Variants in ATRN observed in about 807,000 individuals in gnomAD.
ATRN encodes attractin-2.
Under a neutral mutation model 178.7 loss-of-function variants are expected in ATRN, and 54 were observed. The ratio of observed to expected loss-of-function variants is 0.30; its 90% confidence interval spans 0.24 to 0.38. The LOEUF (loss-of-function observed/expected upper bound fraction) is 0.38. Ranked by LOEUF, ATRN falls within the 10% of genes least tolerant of loss-of-function variation. ATRN has a pLI of 1.00. For synonymous variants in ATRN, 636 were observed against 663.0 expected (o/e 0.96, Z 0.63); for missense variants, 1,443 against 1,815.1 (o/e 0.79, Z 3.73).
intron 1 of ATRN, among the ~76,000 whole-genome samples, chr20:3,492,871 GCACGCACACACA>G (rs1157558245): frequency 1.1e-4 from 14 of 132,450 alleles, no homozygotes; most frequent in Admixed American, 1.5e-4. Context: ...GCGCGCGTGC[GCACGCACACACA>G]CACACACACA....
intron 1 of ATRN, chr20:3,489,630 T>C: frequency 6.9e-7 from 1 of 1,453,758 alleles, no homozygotes; most frequent in Non-Finnish European, 9.7e-7. Context: ...CTGCCATCAT[T>C]CTGAAGCCTT....
chr20:3,584,576 T>TAA, intron 17 of ATRN, 71 bp from the exon 18 acceptor site: 1 of 1,109,640 alleles, frequency 9.0e-7, no homozygotes, highest in Non-Finnish European at 1.3e-6. Context: ...AATAGTCTGT[T>TAA]AAAAAAAAAG....
At chr20:3,629,219 A>G in intron 25 of ATRN, 1 of 985,412 alleles carries the variant, frequency 1.0e-6, no homozygotes, top group African/African-American at 1.7e-5. Flanking sequence ...CAAAAAGTCC[A>G]GAGAAGACCT....
chr20:3,604,201 A>G lies in ATRN; in HGVS notation c.3740A>G (p.Asn1247Ser), dbSNP rs1485360610. Residue 1247 changes from asparagine (N) to serine (S), a missense_variant, in exon 24 of 29, where the codon AAC becomes AGC. Physicochemically the swap from Asn to Ser is conservative, Grantham distance 46. Coordinates refer to ENST00000262919, the MANE Select transcript of ATRN (RefSeq NM_139321.3). ...TCTAATGAGAAGTTTGATTTTCGCAACCACCCAAATATCACTTTCTTTGTT... is the reference window on the plus strand; with the variant it reads ...TCTAATGAGAAGTTTGATTTTCGCAGCCACCCAAATATCACTTTCTTTGTT... Reference protein sequence around the residue: ...SFSNEKFDFRNHPNITFFVYV... With the variant: ...SFSNEKFDFRSHPNITFFVYV... The G allele has an allele frequency of 8.7e-6, 14 of 1,613,272 alleles. No individual in the cohort carries two copies. Among genetic ancestry groups the G allele is most frequent in the Non-Finnish European group, 1.1e-5 (13 of 1,179,802 alleles).
rs73893060 is a variant in ATRN at position 3,645,751 on chromosome 20, A to C, written c.4166-972A>C. ...GTGTGCCAGGCACTTACAGCTGTCT[A>C]CCCCCACCCCCACTCCCCTTCACAG... On this transcript the variant is annotated intron_variant, in intron 28 of 28. Transcript: ENST00000262919. The surrounding 1 kb of genome is among the most constrained non-coding windows in gnomAD (Gnocchi z 4.7). 4.3e-3 allele frequency among the ~76,000 whole-genome samples: 645 copies of C among 151,026 alleles called. 8 individuals carry two copies. The highest frequency in any genetic ancestry group is 0.014 in the African/African-American group (584 of 41,070).
At chr20:3,564,173 A>G (rs1337565991) in intron 10 of ATRN, among the ~76,000 whole-genome samples, 1 of 152,242 alleles carries the variant, frequency 6.6e-6, no homozygotes. Flanking sequence ...GATCAGATGA[A>G]TAACTTAAAG....
At position 3,582,244 on chromosome 20, in the gene ATRN, C is replaced by T. The variant is rs780730305; in HGVS notation, c.2654C>T (p.Ser885Phe). 1.2e-6 allele frequency: 2 copies of T among 1,613,912 alleles called. No individual in the cohort carries two copies. Among genetic ancestry groups the T allele is most frequent in the Admixed American group, 1.7e-5 (1 of 60,018 alleles). ...FTNSLLQWMP[S>F]EPSDAGFCGI... ...AATAGTTTACTACAGTGGATGCCGT[C>T]TGAGCCCAGTGATGCTGGATTCTGT... is the stretch of plus-strand genomic sequence containing the variant. Residue 885 changes from serine (S) to phenylalanine (F), a missense_variant, in exon 16 of 29, where the codon TCT becomes TTT. Physicochemically the swap from Ser to Phe is radical, Grantham distance 155. Coordinates refer to ENST00000262919, the MANE Select transcript of ATRN (RefSeq NM_139321.3).
rs2087100081 is a variant in ATRN at position 3,645,409 on chromosome 20, C to G, written c.4165+1141C>G. ...AGTTGAGCCCCTAACTCGGCCTTGC[C>G]TGTGTTGAGGACAGGACAACTCTCT... On this transcript the variant is annotated intron_variant, in intron 28 of 28. Transcript: ENST00000262919. This position sits in a 1 kb window ranked among gnomAD's most constrained non-coding sequence, Gnocchi z 4.7. Among the ~76,000 whole-genome samples, 1 of 152,254 alleles carries G rather than the reference C, an allele frequency of 6.6e-6. No homozygotes were observed. The highest frequency in any genetic ancestry group is 2.1e-4 in the South Asian group (1 of 4,836).
rs1802088822 is a variant in ATRN, at chr20:3,557,035, A to G, written c.1113-2358A>G. ...TCTGTTTCTTTCCTTTCTTTTAAAC[A>G]TACAGAAACAAGCCTCTGGCTTGAA... On this transcript the variant is annotated intron_variant, in intron 6 of 28. Transcript: ENST00000262919. 5.9e-5 allele frequency among the ~76,000 whole-genome samples: 9 copies of G among 152,210 alleles called. No homozygotes were observed. The South Asian group carries it at 1.9e-3, about 31-fold the overall frequency.
chr20:3,567,905 A>C (rs954836283), intron 11 of ATRN, among the ~76,000 whole-genome samples: 1 of 152,164 alleles, frequency 6.6e-6, no homozygotes, highest in Non-Finnish European at 1.5e-5. Flanking sequence ...CTGTACTGGG[A>C]AGAGGAGGTT....
At chr20:3,617,335 A>G (rs1222754630) in intron 24 of ATRN, among the ~76,000 whole-genome samples, 2 of 152,160 alleles carry the variant, frequency 1.3e-5, no homozygotes, top group African/African-American at 4.8e-5. Flanking sequence ...TCCTGTCAAT[A>G]TTGAAATAGT....
intron 24 of ATRN, among the ~76,000 whole-genome samples, chr20:3,613,743 C>T (rs972518022): frequency 9.2e-5 from 14 of 151,466 alleles, no homozygotes; most frequent in African/African-American, 3.4e-4. Context: ...TTGAGATTCT[C>T]CTTTTTTAAA....
chr20:3,558,700 T>C (rs908791152), intron 6 of ATRN, among the ~76,000 whole-genome samples: 1 of 152,008 alleles, frequency 6.6e-6, no homozygotes, highest in African/African-American at 2.4e-5. Context: ...TCTTTATTCT[T>C]TGTATTGGTT....
chr20:3,629,438 ACT>A, intron 25 of ATRN: 1 of 404,196 alleles, frequency 2.5e-6, no homozygotes, highest in Non-Finnish European at 3.3e-6. Flanking sequence ...TTTCTGGAAC[ACT>A]CTTCTCACTA....
chr20:3,602,341 A>AT (rs1226293401), intron 23 of ATRN, among the ~76,000 whole-genome samples: 1 of 152,086 alleles, frequency 6.6e-6, no homozygotes, highest in Non-Finnish European at 1.5e-5. Context: ...AAAAAAAAAA[A>AT]TAAAAAAACA....
intron 23 of ATRN, among the ~76,000 whole-genome samples, chr20:3,602,687 C>T (rs2422906): frequency 0.35 from 53,226 of 151,588 alleles, 9,877 homozygotes; most frequent in East Asian, 0.58. Context: ...TGCAATGAGC[C>T]GGGCGGTGGC....
chr20:3,603,881 G>A (rs1486113998), intron 23 of ATRN, among the ~76,000 whole-genome samples: 1 of 152,112 alleles, frequency 6.6e-6, no homozygotes, highest in Admixed American at 6.6e-5. Flanking sequence ...GTGACTTGAG[G>A]GAAGTTACTT....
In ATRN at chr20:3,648,441, CCTGGGATCT is replaced by C. The variant is rs2087123211; in HGVS notation, c.*1599_*1607del. On this transcript the variant is annotated 3_prime_UTR_variant, in exon 29 of 29. Transcript: ENST00000262919. ...CCAGAAGCTCTCTTCTGCTTCAAAACCTGGGATCTCTGGCATTACCCTATTGGGATGGAC... is the reference window on the plus strand; with the variant it reads ...CCAGAAGCTCTCTTCTGCTTCAAAACCTGGCATTACCCTATTGGGATGGAC... 6.6e-6 allele frequency: 1 copy of C among 152,618 alleles called. No homozygotes were observed. The highest frequency in any genetic ancestry group is 1.5e-5 in the Non-Finnish European group (1 of 68,030). 9.5% of individuals were successfully genotyped at this position (152,618 alleles called of 1,614,324 possible).
At chr20:3,583,757 G>A (rs1157833444) in intron 16 of ATRN, 141 bp from the exon 17 acceptor site, 23 of 822,244 alleles carry the variant, frequency 2.8e-5, no homozygotes, top group African/African-American at 1.6e-4. Context: ...GCAGTGAGCC[G>A]AAATTGTGCC....
Sources: gnomAD v4.1 joint callset for allele counts (sites outside exome capture counted in the v4.1 genomes callset) on GRCh38, gnomAD v4.1.1 for gene constraint, Gnocchi (gnomAD v3.1) non-coding constraint, MANE v1.5 for transcripts, NCBI Gene and HGNC (gene_info 2026-07-23, HGNC 2026-07-21) for gene names.